Variants in ZEB2 observed in about 807,000 individuals in gnomAD.
ZEB2 encodes zinc finger E-box-binding homeobox 2.
Under a neutral mutation model 99.9 loss-of-function variants are expected in ZEB2, and 6 were observed. That is an observed-to-expected ratio of 0.06 (90% confidence interval 0.03 to 0.12). The LOEUF is 0.12. Ranked by LOEUF, ZEB2 falls within the 10% of genes least tolerant of loss-of-function variation. The probability of loss-of-function intolerance (pLI) is 1.00; values close to 1 mark genes in which losing one functional copy is unlikely to be tolerated. For missense variants in ZEB2, 969 were observed against 1,502.8 expected (o/e 0.64, Z 5.87); for synonymous variants, 517 against 542.5 (o/e 0.95, Z 0.65).
At chr2:144,504,668 A>G (rs1017224045) in intron 2 of ZEB2, 1 of 152,198 alleles carries the variant, frequency 6.6e-6, no homozygotes, top group East Asian at 1.9e-4. Flanking sequence ...TAAAGAGACA[A>G]GGGCTTTTCA....
intron 2 of ZEB2, among the ~76,000 whole-genome samples, chr2:144,478,191 A>G (rs1475303021): frequency 1.3e-5 from 2 of 152,198 alleles, no homozygotes; most frequent in Non-Finnish European, 2.9e-5. Flanking sequence ...TACCTTATTC[A>G]TGACGGAGCA....
rs865911538 is a variant in ZEB2 at position 144,442,281 on chromosome 2, A to G, written c.74-12255T>C. On this transcript the variant is annotated intron_variant, in intron 2 of 9. Coordinates refer to ENST00000627532, the MANE Select transcript of ZEB2 (RefSeq NM_014795.4). ...CCAAAGAGGTCACACTGTTGCATAT[A>G]TGCTCTTTTAGTGAAGAAATTCCTG... Among the ~76,000 whole-genome samples the G allele has an allele frequency of 3.9e-5, 6 of 152,286 alleles. No individual in the cohort carries two copies. In the Middle Eastern group the frequency reaches 0.02, roughly 518 times the overall value.
intron 2 of ZEB2, among the ~76,000 whole-genome samples, chr2:144,500,173 C>T (rs981053694): frequency 6.6e-6 from 1 of 152,166 alleles, no homozygotes; most frequent in Non-Finnish European, 1.5e-5. Context: ...ATTTCCAATG[C>T]TAATTACATT....
chr2:144,389,737 C>A lies in ZEB2; in HGVS notation c.3359G>T (p.Gly1120Val). The change falls in exon 10 of 10, where the codon GGG (glycine) becomes GTG (valine). Residue 1120 changes from glycine (G) to valine (V), a missense_variant. Coordinates refer to ENST00000627532, the MANE Select transcript of ZEB2 (RefSeq NM_014795.4). The surrounding 1 kb of genome is among the most constrained non-coding windows in gnomAD (Gnocchi z 6.8). ...RAYLQSITPQGYSDSEERESM... is the reference protein window; with the variant it reads ...RAYLQSITPQVYSDSEERESM... The stretch of plus-strand genomic sequence containing the variant: ...CTCCCTCTCCTCCGAGTCAGAGTAC[C>A]CCTGAGGGGTAATGCTCTGCAAGTA... 6.2e-7 allele frequency: 1 copy of A among 1,612,034 alleles called. No homozygotes were observed. Among genetic ancestry groups the A allele is most frequent in the South Asian group, 1.1e-5 (1 of 90,922 alleles).
intron 2 of ZEB2, among the ~76,000 whole-genome samples, chr2:144,442,995 T>C (rs1306494958): frequency 6.6e-6 from 1 of 152,184 alleles, no homozygotes; most frequent in African/African-American, 2.4e-5. Context: ...ATATTTAATT[T>C]TCACATGACA....
intron 2 of ZEB2, among the ~76,000 whole-genome samples, chr2:144,468,017 A>G (rs924632910): frequency 6.6e-6 from 1 of 152,120 alleles, no homozygotes; most frequent in Non-Finnish European, 1.5e-5. Flanking sequence ...ATGGAAGGGA[A>G]ACAAAAGTGA....
At chr2:144,398,208 G>GT in intron 8 of ZEB2, 93 bp downstream of exon 8, 2 of 1,528,620 alleles carry the variant, frequency 1.3e-6, no homozygotes, top group Non-Finnish European at 8.8e-7. Flanking sequence ...TTTCTGCTGA[G>GT]TTTTTTCACT....
intron 2 of ZEB2, among the ~76,000 whole-genome samples, chr2:144,444,574 C>A (rs766477222): frequency 2.6e-5 from 4 of 152,330 alleles, no homozygotes; most frequent in Non-Finnish European, 5.9e-5. Flanking sequence ...CCAGGTGATG[C>A]CCAGGCCCCT....
intron 2 of ZEB2, among the ~76,000 whole-genome samples, chr2:144,432,482 G>A (rs1214839329): frequency 2.0e-5 from 3 of 152,040 alleles, no homozygotes; most frequent in African/African-American, 4.8e-5. Context: ...ATTCAAATGA[G>A]ACAATCTCAT....
chr2:144,424,477 A>G (rs371577738), intron 4 of ZEB2: 63 of 549,830 alleles, frequency 1.1e-4, no homozygotes, highest in Middle Eastern at 7.2e-4. Flanking sequence ...CTAATTTTAA[A>G]ATAATTTTTT....
At position 144,430,033 on chromosome 2, in the gene ZEB2, A is replaced by G; in HGVS notation, c.74-7T>C. On this transcript the variant is annotated splice_polypyrimidine_tract_variant and splice_region_variant and intron_variant, in intron 2 of 9. Transcript: ENST00000627532. ...ACATTGTCATAGTTCACCACTGCAG[A>G]AGAAGCACAAAACACACTCTCTAAA... The G allele has an allele frequency of 1.2e-6, 2 of 1,612,178 alleles. No homozygotes were observed. The highest frequency in any genetic ancestry group is 1.7e-6 in the Non-Finnish European group (2 of 1,179,792).
chr2:144,415,948 A>G (rs1224992216), intron 4 of ZEB2, among the ~76,000 whole-genome samples: 13 of 152,210 alleles, frequency 8.5e-5, no homozygotes, highest in Admixed American at 8.5e-4. Context: ...TTCCCACAGG[A>G]TGCCATTGCA....
intron 7 of ZEB2, 21 bp from the exon 8 acceptor site, chr2:144,400,291 A>T: frequency 6.2e-7 from 1 of 1,601,568 alleles, no homozygotes; most frequent in Non-Finnish European, 8.5e-7. Flanking sequence ...AATTAAAATT[A>T]CCGTTACATT....
intron 2 of ZEB2, among the ~76,000 whole-genome samples, chr2:144,457,342 G>A (rs760730532): frequency 2.0e-5 from 3 of 152,090 alleles, no homozygotes; most frequent in Non-Finnish European, 4.4e-5. Context: ...ACATCACCTC[G>A]TGTTAGAATC....
At chr2:144,515,274 G>A (rs1014335715) in intron 2 of ZEB2, among the ~76,000 whole-genome samples, 4 of 151,878 alleles carry the variant, frequency 2.6e-5, no homozygotes, top group Non-Finnish European at 5.9e-5. Context: ...TTATCCAGTT[G>A]ATCAGCAACG....
intron 2 of ZEB2, among the ~76,000 whole-genome samples, chr2:144,434,711 C>A (rs1703815095): frequency 6.6e-6 from 1 of 152,118 alleles, no homozygotes; most frequent in Non-Finnish European, 1.5e-5. Flanking sequence ...TTTCATGGAT[C>A]CCCTTAATTT....
At chr2:144,516,353 C>T (rs1705142834) in intron 2 of ZEB2, 1 of 151,456 alleles carries the variant, frequency 6.6e-6, no homozygotes, top group South Asian at 2.1e-4. Flanking sequence ...GTCTCTCTCT[C>T]ACTCTCTTCC....
At chr2:144,397,424 A>G (rs1703244053) in intron 8 of ZEB2, among the ~76,000 whole-genome samples, 1 of 152,206 alleles carries the variant, frequency 6.6e-6, no homozygotes, top group African/African-American at 2.4e-5. Context: ...TTATGCTCCT[A>G]TTTTGCAAAC....
At position 144,401,313 on chromosome 2, in the gene ZEB2, A is replaced by T; in HGVS notation, c.808-6T>A. On this transcript the variant is annotated splice_polypyrimidine_tract_variant and splice_region_variant and intron_variant, in intron 6 of 9. Transcript: ENST00000627532. Reference sequence around the variant, plus strand: ...CCTTGGGTTAGCATTTGGTGCTATAAAAGGAGAAAGACTGACATCAGTTTT... The same window carrying T: ...CCTTGGGTTAGCATTTGGTGCTATATAAGGAGAAAGACTGACATCAGTTTT... 1 of 1,613,834 alleles carries T rather than the reference A, an allele frequency of 6.2e-7. No individual in the cohort carries two copies. Among genetic ancestry groups the T allele is most frequent in the Non-Finnish European group, 8.5e-7 (1 of 1,179,722 alleles).
Sources: allele counts gnomAD v4.1 joint callset (sites outside exome capture counted in the v4.1 genomes callset), GRCh38; gene constraint gnomAD v4.1.1; non-coding constraint Gnocchi (gnomAD v3.1); transcripts MANE v1.5; gene names NCBI Gene and HGNC (gene_info 2026-07-23, HGNC 2026-07-21).